The following IARS1 variants were observed in gnomAD, a reference collection of about 807,000 sequenced individuals.
IARS1 encodes isoleucyl-tRNA synthetase 1, also known as isoleucine--tRNA ligase, cytoplasmic.
Under a neutral mutation model 168.2 loss-of-function variants are expected in IARS1, and 124 were observed. The observed-to-expected ratio is 0.74, with a 90% CI of 0.64 to 0.86. The LOEUF (loss-of-function observed/expected upper bound fraction) is 0.86, where lower values mean the gene tolerates loss of function less well. Ranked by LOEUF, IARS1 falls within the 40% of genes least tolerant of loss-of-function variation. The pLI is 0.00. For missense variants in IARS1, 1,452 were observed against 1,515.8 expected (o/e 0.96, Z 0.70); for synonymous variants, 532 against 529.4 (o/e 1.00, Z -0.07).
At position 92,293,511 on chromosome 9, in the gene IARS1, C is replaced by T. The variant is rs561137036; in HGVS notation, c.-8+100G>A. The T allele has an allele frequency of 1.1e-5, 6 of 521,980 alleles. No individual in the cohort carries two copies. In the East Asian group the frequency reaches 2.7e-4, roughly 24 times the overall value. 32.3% of individuals were successfully genotyped at this position (521,980 alleles called of 1,614,324 possible). On this transcript the variant is annotated intron_variant, in intron 1 of 33. Coordinates refer to ENST00000443024, the MANE Select transcript of IARS1 (RefSeq NM_002161.6). Reference sequence around the variant, plus strand: ...GAACGGCAAGCCCCGAAGAAACACGCTCTTTTAAAAATTAAATCTTGTGCT... The same window carrying T: ...GAACGGCAAGCCCCGAAGAAACACGTTCTTTTAAAAATTAAATCTTGTGCT...
chr9:92,229,214 T>G (rs2133472423), intron 30 of IARS1, 88 bp from the exon 31 acceptor site: 1 of 1,378,186 alleles, frequency 7.3e-7, no homozygotes, highest in Non-Finnish European at 1.0e-6. Flanking sequence ...TACAAAGGGG[T>G]TCAAGCCCTA....
At chr9:92,264,854 G>A in intron 16 of IARS1, 75 bp downstream of exon 16, 3 of 1,252,526 alleles carry the variant, frequency 2.4e-6, no homozygotes, top group Non-Finnish European at 2.2e-6. Context: ...TAGATAAATG[G>A]CAGTGACTTA....
At position 92,278,199 on chromosome 9, in the gene IARS1, C is replaced by T. The variant is rs994982302; in HGVS notation, c.833G>A (p.Arg278Lys). The T allele has an allele frequency of 6.4e-7, 1 of 1,570,964 alleles. No homozygotes were observed. Among genetic ancestry groups the T allele is most frequent in the Non-Finnish European group, 8.8e-7 (1 of 1,140,592 alleles). The change falls in exon 8 of 34, where the codon AGA becomes AAA. Residue 278 changes from arginine (R) to lysine (K), a missense_variant and splice_region_variant. Coordinates refer to ENST00000443024, the MANE Select transcript of IARS1 (RefSeq NM_002161.6). ...ACAGAGCAACTATTTGAATATTCAC[C>T]TTTCAAGGATCTCATAGTCACTCTC... ...KLESDYEILE[R>K]FPGAYLKGKK... is the part of the protein sequence containing the mutation.
Position 92,219,978 on chromosome 9 carries a change from T to C in IARS1, c.3706+2542A>G, listed in dbSNP as rs1426069383. On this transcript the variant is annotated intron_variant, in intron 33 of 33. Transcript: ENST00000443024. ...AAAGACACATGCACACGTATGTTTATTGCGGCATTATTCACAATAGCAAAG... is the reference window on the plus strand; with the variant it reads ...AAAGACACATGCACACGTATGTTTACTGCGGCATTATTCACAATAGCAAAG... Among the ~76,000 whole-genome samples, 11 of 150,476 alleles carry C rather than the reference T, an allele frequency of 7.3e-5. No individual in the cohort carries two copies. The East Asian group carries it at 9.7e-4, about 13-fold the overall frequency.
intron 27 of IARS1, 71 bp from the exon 28 acceptor site, chr9:92,243,382 G>T: frequency 9.6e-7 from 1 of 1,043,852 alleles, no homozygotes; most frequent in Non-Finnish European, 1.5e-6. Flanking sequence ...TCAGCAAAAT[G>T]TTATTTAAAT....
At chr9:92,260,040 T>C (rs952217075) in intron 18 of IARS1, 111 bp downstream of exon 18, 11 of 719,740 alleles carry the variant, frequency 1.5e-5, no homozygotes, top group African/African-American at 1.1e-4. Context: ...AACAGAGATA[T>C]GTTGCTAAAA....
intron 9 of IARS1, 100 bp from the exon 10 acceptor site, chr9:92,274,621 C>A: frequency 2.8e-6 from 2 of 721,506 alleles, no homozygotes; most frequent in Non-Finnish European, 4.8e-6. Context: ...TGCTTTTAAC[C>A]GGTAAAATTA....
intron 31 of IARS1, among the ~76,000 whole-genome samples, chr9:92,227,270 T>C (rs1564158845): frequency 6.6e-6 from 1 of 150,998 alleles, no homozygotes. Flanking sequence ...CCCCTTTCTA[T>C]TCCACAAAAC....
chr9:92,255,146 A>G (rs1326906066), intron 20 of IARS1, among the ~76,000 whole-genome samples: 1 of 152,178 alleles, frequency 6.6e-6, no homozygotes, highest in African/African-American at 2.4e-5. Flanking sequence ...ATCTGTGTCT[A>G]TCTGAGCAAC....
intron 26 of IARS1, 29 bp downstream of exon 26, chr9:92,247,348 A>T (rs1414065474): frequency 3.8e-6 from 6 of 1,598,138 alleles, no homozygotes; most frequent in Non-Finnish European, 4.3e-6. Flanking sequence ...CAGGACATAA[A>T]TGGTGCCCTT....
Position 92,240,561 on chromosome 9 carries a change from T to C in IARS1, c.3283+295A>G, listed in dbSNP as rs985494435. ...AGGTGTGAGCTACCATGCCTGGCCC[T>C]TTTTTTTTTTTTAATTGAGGCAGGA... On this transcript the variant is annotated intron_variant, in intron 30 of 33. Transcript: ENST00000443024. The C allele has an allele frequency of 6.3e-4, 94 of 148,408 alleles. 2 individuals are homozygous for C. The highest frequency in any genetic ancestry group is 3.6e-4 in the East Asian group (2 of 5,502). The allele number at this position is 148,408 out of a possible 1,614,324, so 9.2% of individuals were successfully genotyped here.
intron 10 of IARS1, among the ~76,000 whole-genome samples, chr9:92,272,887 A>T (rs866615338): frequency 1.2e-3 from 177 of 148,760 alleles, no homozygotes; most frequent in African/African-American, 4.2e-3. Context: ...AAAAAAAAAA[A>T]TTTACCAAAT....
rs764497752 is a variant in IARS1, at chr9:92,249,975, C to T, written c.2533-34G>A. 8.2e-6 allele frequency: 10 copies of T among 1,224,006 alleles called. No individual in the cohort carries two copies. In the South Asian group the frequency reaches 1.1e-4, roughly 14 times the overall value. 75.8% of individuals were successfully genotyped at this position (1,224,006 alleles called of 1,614,324 possible). A position where few individuals can be genotyped will look rare whatever the true frequency, so the allele number is the denominator to read the frequency against. ...AAAAGGGAGGGGAAAGTTCACTCAGCAGCCAGTCCTCTAAAACTGCAGAAA... is the reference window on the plus strand; with the variant it reads ...AAAAGGGAGGGGAAAGTTCACTCAGTAGCCAGTCCTCTAAAACTGCAGAAA... On this transcript the variant is annotated intron_variant, in intron 24 of 33. Coordinates refer to ENST00000443024, the MANE Select transcript of IARS1 (RefSeq NM_002161.6).
Position 92,258,841 on chromosome 9 carries a change from C to T in IARS1, c.2016+13G>A. ...ACACGGCAGGTACATGTGCAGCCCC[C>T]TACAGCCCATACCTTCTGGAGCCTC... On this transcript the variant is annotated intron_variant, in intron 19 of 33. Transcript: ENST00000443024. 1.3e-6 allele frequency: 2 copies of T among 1,596,952 alleles called. No individual in the cohort carries two copies. Among genetic ancestry groups the T allele is most frequent in the Non-Finnish European group, 1.7e-6 (2 of 1,173,398 alleles).
At chr9:92,289,767 C>A (rs1836025031) in intron 1 of IARS1, among the ~76,000 whole-genome samples, 3 of 152,202 alleles carry the variant, frequency 2.0e-5, no homozygotes, top group Non-Finnish European at 4.4e-5. Flanking sequence ...TTTACCTATT[C>A]TGGACATTTC....
chr9:92,287,113 A>G (rs1287451983), intron 4 of IARS1, among the ~76,000 whole-genome samples: 1 of 152,252 alleles, frequency 6.6e-6, no homozygotes, highest in Non-Finnish European at 1.5e-5. Flanking sequence ...GATATAATGC[A>G]TTGAGAAGGG....
rs142282805 is a variant in IARS1 at position 92,246,658 on chromosome 9, C to T, written c.2791+719G>A. The stretch of plus-strand genomic sequence containing the variant: ...TCACCCTAGGCTCCAGGGATCCTCC[C>T]ACCTCAGCCTCCAGAGTAACTGGGA... On this transcript the variant is annotated intron_variant, in intron 26 of 33. Coordinates refer to ENST00000443024, the MANE Select transcript of IARS1 (RefSeq NM_002161.6). Among the ~76,000 whole-genome samples the T allele has an allele frequency of 2.3e-3, 347 of 152,288 alleles. 3 individuals are homozygous for T. Among genetic ancestry groups the T allele is most frequent in the Non-Finnish European group, 3.8e-3 (260 of 68,016 alleles).
In IARS1 at chr9:92,243,217, T is replaced by A. The variant is rs1450651588; in HGVS notation, c.2999A>T (p.Lys1000Met). Residue 1000 changes from lysine to methionine, a missense_variant and splice_region_variant, in exon 28 of 34, where the codon AAG (lysine) becomes ATG (methionine). By Grantham distance (95) the Lys-to-Met change is moderately conservative. Coordinates refer to ENST00000443024, the MANE Select transcript of IARS1 (RefSeq NM_002161.6). The stretch of plus-strand genomic sequence containing the variant: ...CTTATTCTTAACTGACAAACTAACC[T>A]TTTTGCGAAGTTTCTGTATGCGATT... ...VINRIQKLRK[K>M]CNLVPTDEIT... 2 of 1,612,066 alleles carry A rather than the reference T, an allele frequency of 1.2e-6. No individual in the cohort carries two copies. Among genetic ancestry groups the A allele is most frequent in the East Asian group, 2.2e-5 (1 of 44,848 alleles).
At chr9:92,254,262 G>A (rs897222494) in intron 20 of IARS1, among the ~76,000 whole-genome samples, 7 of 152,206 alleles carry the variant, frequency 4.6e-5, no homozygotes, top group Admixed American at 1.3e-4. Context: ...AGGAAAGAAA[G>A]GGTGTTTAGC....
Sources: gnomAD v4.1 joint callset for allele counts (sites outside exome capture counted in the v4.1 genomes callset) on GRCh38, gnomAD v4.1.1 for gene constraint, MANE v1.5 for transcripts, NCBI Gene and HGNC (gene_info 2026-07-23, HGNC 2026-07-21) for gene names.